Variants in ATP10B observed in about 807,000 individuals in gnomAD.
The protein encoded by ATP10B is ATPase phospholipid transporting 10B (putative).
In ATP10B, 122 loss-of-function variants were observed where a neutral mutation model predicts 141.2. That is an observed-to-expected ratio of 0.86 (90% CI 0.75 to 1.00). The LOEUF is 1.00. Ranked by LOEUF, ATP10B falls within the 50% of genes least tolerant of loss-of-function variation. ATP10B has a pLI of 0.00. For missense variants in ATP10B, 1,876 were observed against 1,825.3 expected, an observed-to-expected ratio of 1.03 and a Z score of -0.51; for synonymous variants, 685 against 692.0, an observed-to-expected ratio of 0.99 and a Z score of 0.16.
chr5:160,652,928 T>A lies in ATP10B; in HGVS notation c.676-3672A>T, dbSNP rs1397219464. 2.0e-4 allele frequency among the ~76,000 whole-genome samples: 16 copies of A among 81,220 alleles called. 1 individual carries two copies. The highest frequency in any genetic ancestry group is 7.5e-4 in the African/African-American group (13 of 17,416). 53.3% of individuals were successfully genotyped at this position (81,220 alleles called of 152,430 possible). A position where few individuals can be genotyped will look rare whatever the true frequency, so the allele number is the denominator to read the frequency against. ...ATATATACATGTATATATAATATAT[T>A]ATATATACATGTATATATAATATAT... On this transcript the variant is annotated intron_variant, in intron 7 of 25. Coordinates refer to ENST00000327245, the MANE Select transcript of ATP10B (RefSeq NM_025153.3).
At chr5:160,776,595 C>A in intron 2 of ATP10B, among the ~76,000 whole-genome samples, 1 of 152,190 alleles carries the variant, frequency 6.6e-6, no homozygotes, top group Non-Finnish European at 1.5e-5. Flanking sequence ...AGGTTTCCAA[C>A]CAGTTAGACT....
intron 1 of ATP10B, among the ~76,000 whole-genome samples, chr5:160,808,662 C>CCATT (rs1370407437): frequency 6.6e-6 from 1 of 152,160 alleles, no homozygotes; most frequent in Admixed American, 6.5e-5. Context: ...CTTATCCTTC[C>CCATT]CATTCAACCC....
rs188585487 is a variant in ATP10B, at chr5:160,813,294, G to A, written c.-575-27491C>T. 3.8e-3 allele frequency among the ~76,000 whole-genome samples: 583 copies of A among 152,348 alleles called. 2 individuals carry two copies. The highest frequency in any genetic ancestry group is 8.0e-3 in the Admixed American group (122 of 15,312). On this transcript the variant is annotated intron_variant, in intron 1 of 25. Transcript: ENST00000327245. ...CGGGTCACTCCCAACCTAATACTGC[G>A]CTTTTCCAATGGTCTTAGCAAACGA...
chr5:160,893,070 G>A, the ATP10B span, among the ~76,000 whole-genome samples: 4 of 152,120 alleles, frequency 2.6e-5, no homozygotes, highest in Non-Finnish European at 4.4e-5. Flanking sequence ...AGATTCCCTC[G>A]GGTGCCTACA....
intron 3 of ATP10B, among the ~76,000 whole-genome samples, chr5:160,698,149 A>T (rs1000509358): frequency 6.6e-6 from 1 of 152,086 alleles, no homozygotes; most frequent in Non-Finnish European, 1.5e-5. Context: ...TAGGTATTTC[A>T]ACTTTAACAT....
chr5:160,907,287 T>A, the ATP10B span, among the ~76,000 whole-genome samples: 1,672 of 127,228 alleles, frequency 0.013, 36 homozygotes, highest in African/African-American at 0.052. Flanking sequence ...CCCTAGTTGA[T>A]TTTTTTTCTT....
intron 2 of ATP10B, among the ~76,000 whole-genome samples, chr5:160,775,675 GATT>G (rs1202520093): frequency 8.0e-6 from 1 of 124,942 alleles, no homozygotes. Flanking sequence ...GCAAGTTTCA[GATT>G]TTTTTTTTTT....
At chr5:160,788,762 A>T (rs1771357557) in intron 1 of ATP10B, among the ~76,000 whole-genome samples, 1 of 152,146 alleles carries the variant, frequency 6.6e-6, no homozygotes, top group South Asian at 2.1e-4. Flanking sequence ...CACTGTGCTG[A>T]CTAGTTGTGT....
chr5:160,693,403 AACACACACACACACAC>A lies in ATP10B; in HGVS notation c.-204-4476_-204-4461del, dbSNP rs3075585. ...GGCAAGATGTTTCCATGGGTCAGAA[AACACACACACACACAC>A]ACACACACACACACACACACACACA... On this transcript the variant is annotated intron_variant, in intron 3 of 25. Transcript: ENST00000327245. 3.6e-3 allele frequency among the ~76,000 whole-genome samples: 447 copies of A among 125,678 alleles called. 1 individual carries two copies. Among genetic ancestry groups the A allele is most frequent in the African/African-American group, 7.2e-3 (236 of 32,556 alleles). 82.4% of individuals were successfully genotyped at this position (125,678 alleles called of 152,430 possible). A position where few individuals can be genotyped will look rare whatever the true frequency, so the allele number is the denominator to read the frequency against.
intron 2 of ATP10B, among the ~76,000 whole-genome samples, chr5:160,775,990 C>T (rs1770280389): frequency 6.6e-6 from 1 of 152,170 alleles, no homozygotes; most frequent in Non-Finnish European, 1.5e-5. Context: ...AGCTGCCTCA[C>T]AGGGCTTTTG....
At chr5:160,885,178 G>T in the ATP10B span, among the ~76,000 whole-genome samples, 1 of 152,232 alleles carries the variant, frequency 6.6e-6, no homozygotes, top group African/African-American at 2.4e-5. Context: ...GAATACATAA[G>T]TGAATGAATA....
At chr5:160,648,926 GT>G (rs367848503) in intron 8 of ATP10B, among the ~76,000 whole-genome samples, 1,964 of 131,046 alleles carry the variant, frequency 0.015, 32 homozygotes, top group African/African-American at 0.038. Flanking sequence ...TTTTACTAAG[GT>G]TTTTTTTTTT....
chr5:160,891,887 T>C, the ATP10B span, among the ~76,000 whole-genome samples: 1 of 152,212 alleles, frequency 6.6e-6, no homozygotes, highest in Non-Finnish European at 1.5e-5. Flanking sequence ...GAGTCAATGC[T>C]CCCATCTATA....
intron 1 of ATP10B, among the ~76,000 whole-genome samples, chr5:160,817,704 C>A (rs1198054627): frequency 6.6e-6 from 1 of 152,046 alleles, no homozygotes; most frequent in Non-Finnish European, 1.5e-5. Flanking sequence ...AATCCTAAGC[C>A]AAAAGAACAA....
chr5:160,748,014 A>G (rs1767919042), intron 2 of ATP10B, among the ~76,000 whole-genome samples: 1 of 131,900 alleles, frequency 7.6e-6, no homozygotes, highest in South Asian at 2.4e-4. Context: ...AAAAAAAAAA[A>G]AAGCGGCCGG....
intron 7 of ATP10B, among the ~76,000 whole-genome samples, chr5:160,653,115 AC>A (rs1761021370): frequency 7.7e-6 from 1 of 129,112 alleles, no homozygotes; most frequent in Non-Finnish European, 1.6e-5. Context: ...TATAACATAT[AC>A]ATGTATATAT....
chr5:160,848,121 C>T (rs1029133569), intron 1 of ATP10B, among the ~76,000 whole-genome samples: 1 of 152,096 alleles, frequency 6.6e-6, no homozygotes, highest in African/African-American at 2.4e-5. Flanking sequence ...TGTGTAAATA[C>T]ATATTAGTTA....
chr5:160,862,038 G>A, the ATP10B span, among the ~76,000 whole-genome samples: 3 of 151,934 alleles, frequency 2.0e-5, no homozygotes, highest in Non-Finnish European at 4.4e-5. Context: ...TTTGGTTGAA[G>A]TACATGAAGA....
intron 23 of ATP10B, 44 bp downstream of exon 23, chr5:160,591,015 C>A (rs769907284): frequency 2.0e-6 from 3 of 1,518,788 alleles, no homozygotes; most frequent in East Asian, 4.7e-5. Context: ...AGGACCAGTT[C>A]TTCTCTGCAA....
Sources: allele counts gnomAD v4.1 joint callset (sites outside exome capture counted in the v4.1 genomes callset), GRCh38; gene constraint gnomAD v4.1.1; transcripts MANE v1.5; gene names NCBI Gene and HGNC (gene_info 2026-07-23, HGNC 2026-07-21).